The following STXBP5L variants were observed in gnomAD, a reference collection of about 807,000 sequenced individuals.
STXBP5L encodes the protein syntaxin binding protein 5L, also known as syntaxin-binding protein 5-like.
Under a neutral mutation model 144.5 loss-of-function variants are expected in STXBP5L, and 65 were observed. That is an observed-to-expected ratio of 0.45 (90% confidence interval 0.37 to 0.55). The LOEUF is 0.55. STXBP5L is among the 20% of genes least tolerant of loss of function. STXBP5L has a pLI of 0.00. For missense variants in STXBP5L, 1,298 were observed against 1,405.5 expected, an observed-to-expected ratio of 0.92 and a Z score of 1.22; for synonymous variants, 505 against 469.6, an observed-to-expected ratio of 1.08 and a Z score of -0.97.
chr3:120,938,734 T>C (rs938395489), intron 2 of STXBP5L, among the ~76,000 whole-genome samples: 1 of 152,206 alleles, frequency 6.6e-6, no homozygotes, highest in Non-Finnish European at 1.5e-5. Flanking sequence ...AGTCACACCA[T>C]GTGTATTCAC....
At chr3:121,145,279 C>T (rs78822220) in intron 7 of STXBP5L, among the ~76,000 whole-genome samples, 18,221 of 151,724 alleles carry the variant, frequency 0.12, 1,150 homozygotes, top group Non-Finnish European at 0.14. Context: ...TGGTGTTTTA[C>T]TCCAGGGATG....
intron 3 of STXBP5L, among the ~76,000 whole-genome samples, chr3:120,976,154 G>T (rs951710346): frequency 4.6e-5 from 7 of 152,154 alleles, no homozygotes; most frequent in African/African-American, 1.4e-4. Flanking sequence ...GTAGAATTCG[G>T]CTGTGAATCC....
At chr3:121,174,641 A>G (rs1238505154) in intron 9 of STXBP5L, among the ~76,000 whole-genome samples, 1 of 152,132 alleles carries the variant, frequency 6.6e-6, no homozygotes, top group Non-Finnish European at 1.5e-5. Flanking sequence ...TTTTAAATGA[A>G]TTTCTGAAAG....
chr3:121,140,566 A>G (rs986607403), intron 7 of STXBP5L, among the ~76,000 whole-genome samples: 1 of 152,192 alleles, frequency 6.6e-6, no homozygotes, highest in Non-Finnish European at 1.5e-5. Flanking sequence ...ATATAAAATG[A>G]TGAAATCTTC....
At chr3:121,296,939 TAATTATAG>T (rs1206862767) in intron 19 of STXBP5L, among the ~76,000 whole-genome samples, 2 of 152,162 alleles carry the variant, frequency 1.3e-5, no homozygotes, top group Non-Finnish European at 2.9e-5. Context: ...TATTCTGGGG[TAATTATAG>T]AATTTAACCA....
intron 9 of STXBP5L, among the ~76,000 whole-genome samples, chr3:121,189,987 A>G (rs2047573302): frequency 6.6e-6 from 1 of 152,104 alleles, no homozygotes; most frequent in Non-Finnish European, 1.5e-5. Context: ...GCATCTTGGC[A>G]TTCTGAGGTT....
chr3:121,299,482 A>G lies in STXBP5L; in HGVS notation c.2111-18993A>G, dbSNP rs550414519. On this transcript the variant is annotated intron_variant, in intron 19 of 26. Coordinates refer to ENST00000471454, the MANE Select transcript of STXBP5L (RefSeq NM_001308330.2). ...CCTTTCAAAAACAAAAGTTCACATG[A>G]TTGCTTTAACAATATATTGCACAGC... Among the ~76,000 whole-genome samples the G allele has an allele frequency of 3.3e-5, 5 of 152,272 alleles. No individual in the cohort carries two copies. The South Asian group carries it at 8.3e-4, about 25-fold the overall frequency.
chr3:121,286,143 C>T (rs1245023012), intron 19 of STXBP5L, among the ~76,000 whole-genome samples: 1 of 152,096 alleles, frequency 6.6e-6, no homozygotes, highest in East Asian at 1.9e-4. Flanking sequence ...TCTAGTTATG[C>T]AACAAGGGAT....
intron 5 of STXBP5L, among the ~76,000 whole-genome samples, chr3:121,055,419 G>T (rs1186681673): frequency 6.6e-6 from 1 of 151,982 alleles, no homozygotes; most frequent in East Asian, 1.9e-4. Flanking sequence ...TATTTTATTA[G>T]GGCACCTACA....
At chr3:121,121,213 A>G (rs1262058074) in intron 6 of STXBP5L, among the ~76,000 whole-genome samples, 1 of 151,288 alleles carries the variant, frequency 6.6e-6, no homozygotes, top group Non-Finnish European at 1.5e-5. Flanking sequence ...GAAAATAATC[A>G]GAGGAGATTT....
chr3:121,028,958 A>T (rs1160473517), intron 3 of STXBP5L, among the ~76,000 whole-genome samples: 1 of 152,142 alleles, frequency 6.6e-6, no homozygotes, highest in Non-Finnish European at 1.5e-5. Context: ...AATACCTAGG[A>T]ATACAACATA....
intron 5 of STXBP5L, among the ~76,000 whole-genome samples, chr3:121,090,048 T>C (rs557280101): frequency 1.3e-5 from 2 of 152,310 alleles, no homozygotes; most frequent in East Asian, 3.9e-4. Context: ...CTAATATCTA[T>C]GTCATCTTGC....
chr3:121,354,508 C>CT (rs145703750), intron 20 of STXBP5L, among the ~76,000 whole-genome samples: 6,658 of 67,264 alleles, frequency 0.099, 1,147 homozygotes, highest in African/African-American at 0.12. Context: ...TGCAACCCTG[C>CT]TTTTTTTTTT....
At chr3:121,068,247 A>G (rs529973696) in intron 5 of STXBP5L, among the ~76,000 whole-genome samples, 68 of 152,358 alleles carry the variant, frequency 4.5e-4, no homozygotes, top group African/African-American at 1.6e-3. Flanking sequence ...TGACCTTGAG[A>G]TCTGCCTGCC....
chr3:121,284,049 A>G (rs1423945477), intron 19 of STXBP5L, among the ~76,000 whole-genome samples: 2 of 152,002 alleles, frequency 1.3e-5, no homozygotes, highest in Non-Finnish European at 2.9e-5. Context: ...GCTAAATTGG[A>G]GACTGAAGGT....
intron 7 of STXBP5L, among the ~76,000 whole-genome samples, chr3:121,136,974 G>A (rs1400105258): frequency 6.6e-6 from 1 of 152,080 alleles, no homozygotes; most frequent in Non-Finnish European, 1.5e-5. Flanking sequence ...AATTAACACA[G>A]GAACAGAAAA....
intron 10 of STXBP5L, among the ~76,000 whole-genome samples, chr3:121,208,942 C>T (rs867466211): frequency 1.2e-4 from 18 of 151,886 alleles, no homozygotes; most frequent in African/African-American, 3.9e-4. Flanking sequence ...CAACAGGCCA[C>T]GGTGTGTGAT....
chr3:120,913,128 T>C (rs184331255), intron 2 of STXBP5L, among the ~76,000 whole-genome samples: 23 of 152,092 alleles, frequency 1.5e-4, no homozygotes, highest in African/African-American at 5.5e-4. Context: ...CATATACCTA[T>C]AGTGTGAATT....
chr3:121,366,023 A>G (rs1219003088), intron 20 of STXBP5L, among the ~76,000 whole-genome samples: 3 of 151,656 alleles, frequency 2.0e-5, no homozygotes, highest in Non-Finnish European at 3.0e-5. Context: ...GCCTTGATCC[A>G]TTGGTTAAGA....
Sources: gnomAD v4.1 joint callset for allele counts (sites outside exome capture counted in the v4.1 genomes callset) on GRCh38, gnomAD v4.1.1 for gene constraint, MANE v1.5 for transcripts, NCBI Gene and HGNC (gene_info 2026-07-23, HGNC 2026-07-21) for gene names.